The following APOA5 variants were observed in gnomAD, a reference collection of about 807,000 sequenced individuals.
APOA5 encodes apolipoprotein A5.
In APOA5, 26 loss-of-function variants were observed where a neutral mutation model predicts 31.8. The observed-to-expected ratio is 0.82, with a 90% confidence interval of 0.60 to 1.13. APOA5 has a LOEUF of 1.13. APOA5 is among the 50% of genes most tolerant of loss of function. The pLI is 0.00. For missense variants in APOA5, 450 were observed against 488.0 expected, an observed-to-expected ratio of 0.92 and a Z score of 0.73; for synonymous variants, 186 against 198.5, an observed-to-expected ratio of 0.94 and a Z score of 0.53.
At position 116,790,674 on chromosome 11, in the gene APOA5, G is replaced by A; in HGVS notation, c.555C>T (p.Gly185=). Residue 185 remains glycine, a synonymous_variant, in exon 3 of 3, where the codon GGC becomes GGT. Transcript: ENST00000227665. ...ATGGGTGGAAGAGCTCTTTGAAGCG[G>A]CCGGTGTGGTGCACCACGCGGCTCT... ...GLQSRVVHHT[G]RFKELFHPYA... is the part of the protein sequence containing the mutation. The A allele has an allele frequency of 1.2e-6, 2 of 1,612,526 alleles. No individual in the cohort carries two copies. The highest frequency in any genetic ancestry group is 1.1e-5 in the South Asian group (1 of 91,072).
chr11:116,789,905 A>T lies in APOA5; in HGVS notation c.*223T>A, dbSNP rs1250613914. The T allele has an allele frequency of 3.3e-6, 2 of 605,864 alleles. No individual in the cohort carries two copies. The highest frequency in any genetic ancestry group is 2.8e-5 in the East Asian group (1 of 35,904). The allele number at this position is 605,864 out of a possible 1,614,324, so 37.5% of individuals were successfully genotyped here. On this transcript the variant is annotated 3_prime_UTR_variant, in exon 3 of 3. Transcript: ENST00000227665. ...TGAGCATTCCCAAATGAGCACTGGG[A>T]GGCTGGGTTTGCAAAGCCTGGTGAA...
At chr11:116,791,786 C>T (rs1476929078) in intron 1 of APOA5, 26 bp downstream of exon 1, 1 of 1,614,096 alleles carries the variant, frequency 6.2e-7, no homozygotes, top group Non-Finnish European at 8.5e-7. Context: ...CACACCCCCA[C>T]GTTGAAGTCA....
Position 116,790,364 on chromosome 11 carries a change from G to A in APOA5, c.865C>T (p.Arg289Cys), listed in dbSNP as rs755003082. The stretch of plus-strand genomic sequence containing the variant: ...GCTATCTGCAGGTAGGTGTCCTGGC[G>A]GAAAGCCTGAAGTCGCTGGCGCACC... The part of the protein sequence containing the change: ...EEVRQRLQAF[R>C]QDTYLQIAAF... Residue 289 changes from arginine (R) to cysteine (C), a missense_variant, in exon 3 of 3, where the codon CGC becomes TGC. Physicochemically the swap from Arg to Cys is radical, Grantham distance 180. Transcript: ENST00000227665. 8.7e-6 allele frequency: 14 copies of A among 1,613,466 alleles called. No individual in the cohort carries two copies. The highest frequency in any genetic ancestry group is 3.3e-5 in the Admixed American group (2 of 60,010).
rs1356190082 is a variant in APOA5 at position 116,789,980 on chromosome 11, C to T, written c.*148G>A. On this transcript the variant is annotated 3_prime_UTR_variant, in exon 3 of 3. Transcript: ENST00000227665. ...CGCAGGAGGCTGGATGTGCAGGAGA[C>T]AGCAGCCCCTTTGGTGGCCTCCCTG... is the stretch of plus-strand genomic sequence containing the variant. The T allele has an allele frequency of 4.9e-6, 4 of 809,000 alleles. No homozygotes were observed. The highest frequency in any genetic ancestry group is 8.2e-6 in the Non-Finnish European group (4 of 490,378). 50.1% of individuals were successfully genotyped at this position (809,000 alleles called of 1,614,324 possible).
chr11:116,790,574 C>CG lies in APOA5; in HGVS notation c.654dup (p.Ala219ArgfsTer49), dbSNP rs71469115. On this transcript the variant is annotated frameshift_variant, in exon 3 of 3. Transcript: ENST00000227665. LOFTEE classifies it high-confidence loss of function. The stretch of plus-strand genomic sequence containing the variant: ...CAGCGACTGAGGCGCGCGGGGCTGG[C>CG]GGGGGCGTGCGGAGCCACACTGCGG... 1 of 1,596,660 alleles carries CG rather than the reference C, an allele frequency of 6.3e-7. No individual in the cohort carries two copies. Among genetic ancestry groups the CG allele is most frequent in the Non-Finnish European group, 8.5e-7 (1 of 1,176,362 alleles).
At position 116,790,075 on chromosome 11, in the gene APOA5, G is replaced by A; in HGVS notation, c.*53C>T. On this transcript the variant is annotated 3_prime_UTR_variant, in exon 3 of 3. Coordinates refer to ENST00000227665, the MANE Select transcript of APOA5 (RefSeq NM_001371904.1). The stretch of plus-strand genomic sequence containing the variant: ...AGGACTGAACCATGCTAGAGGCTCA[G>A]AGCCAAGGCTCCCCAGACAAGGAGC... The A allele has an allele frequency of 6.3e-7, 1 of 1,582,104 alleles. No individual in the cohort carries two copies. Among genetic ancestry groups the A allele is most frequent in the Admixed American group, 1.8e-5 (1 of 56,844 alleles).
chr11:116,789,450 G>C lies in APOA5; in HGVS notation c.*678C>G, dbSNP rs1940951565. 6.5e-6 allele frequency: 1 copy of C among 154,704 alleles called. No homozygotes were observed. The allele number at this position is 154,704 out of a possible 1,614,324, so 9.6% of individuals were successfully genotyped here. A position where few individuals can be genotyped will look rare whatever the true frequency, so the allele number is the denominator to read the frequency against. Reference sequence around the variant, plus strand: ...CAGAGGGAGGGGCTGGAGATGGGGAGAGCACACAGTATGCTCCCCAGAGGG... The same window carrying C: ...CAGAGGGAGGGGCTGGAGATGGGGACAGCACACAGTATGCTCCCCAGAGGG... On this transcript the variant is annotated 3_prime_UTR_variant, in exon 3 of 3. Coordinates refer to ENST00000227665, the MANE Select transcript of APOA5 (RefSeq NM_001371904.1).
chr11:116,790,249 T>C lies in APOA5; in HGVS notation c.980A>G (p.Glu327Gly). ...PPPGHSAFAP[E>G]FQQTDSGKVL... ...CTTGCCACTGTCTGTTTGTTGAAAC[T>C]CTGGGGCGAAGGCACTGTGGCCTGG... Residue 327 changes from glutamate (E) to glycine (G), a missense_variant, in exon 3 of 3, where the codon GAG (glutamate) becomes GGG (glycine). Physicochemically the swap from Glu to Gly is moderately conservative, Grantham distance 98 (BLOSUM62 -2). Coordinates refer to ENST00000227665, the MANE Select transcript of APOA5 (RefSeq NM_001371904.1). The C allele has an allele frequency of 6.2e-7, 1 of 1,614,228 alleles. No individual in the cohort carries two copies. Among genetic ancestry groups the C allele is most frequent in the Non-Finnish European group, 8.5e-7 (1 of 1,180,032 alleles).
In APOA5 at chr11:116,790,316, G is replaced by A. The variant is rs1403296082; in HGVS notation, c.913C>T (p.Gln305Ter). 5 of 1,614,126 alleles carry A rather than the reference G, an allele frequency of 3.1e-6. No homozygotes were observed. Among genetic ancestry groups the A allele is most frequent in the Non-Finnish European group, 4.2e-6 (5 of 1,180,056 alleles). ...TGCTGCTGGACCTCCTCAGTCTCCTGGTCGATGGCGCGAGTGAAGGCAGCT... is the reference window on the plus strand; with the variant it reads ...TGCTGCTGGACCTCCTCAGTCTCCTAGTCGATGGCGCGAGTGAAGGCAGCT... The part of the protein sequence containing the change: ...QIAAFTRAID[Q>*]ETEEVQQQLA... The change falls in exon 3 of 3, where the codon CAG becomes TAG. Residue 305 changes from glutamine to a stop codon, truncating the protein, a stop_gained. Transcript: ENST00000227665. LOFTEE classifies it high-confidence loss of function.
In APOA5 at chr11:116,789,981, A is replaced by C; in HGVS notation, c.*147T>G. 1.2e-6 allele frequency: 1 copy of C among 812,732 alleles called. No homozygotes were observed. The highest frequency in any genetic ancestry group is 2.0e-6 in the Non-Finnish European group (1 of 492,932). The allele number at this position is 812,732 out of a possible 1,614,324, so 50.3% of individuals were successfully genotyped here. ...GCAGGAGGCTGGATGTGCAGGAGAC[A>C]GCAGCCCCTTTGGTGGCCTCCCTGT... On this transcript the variant is annotated 3_prime_UTR_variant, in exon 3 of 3. Coordinates refer to ENST00000227665, the MANE Select transcript of APOA5 (RefSeq NM_001371904.1).
At chr11:116,791,496 C>A in intron 2 of APOA5, 90 bp downstream of exon 2, 1 of 1,300,806 alleles carries the variant, frequency 7.7e-7, no homozygotes. Context: ...CCAGCAGCGG[C>A]CACAGAGGTT....
chr11:116,791,741 C>G (rs779181676), intron 1 of APOA5, 44 bp from the exon 2 acceptor site: 3 of 1,612,564 alleles, frequency 1.9e-6, no homozygotes, highest in Non-Finnish European at 2.5e-6. Context: ...CTCTCCTCCC[C>G]CAGGGTGGAC....
chr11:116,791,697 G>A lies in APOA5; in HGVS notation c.50C>T (p.Ala17Val), dbSNP rs1203730577. The A allele has an allele frequency of 6.2e-7, 1 of 1,608,622 alleles. No homozygotes were observed. The highest frequency in any genetic ancestry group is 8.5e-7 in the Non-Finnish European group (1 of 1,177,438). Residue 17 changes from alanine to valine, a missense_variant and splice_region_variant, in exon 2 of 3, where the codon GCG becomes GTG. Ala to Val is a moderately conservative substitution (Grantham distance 64). Transcript: ENST00000227665. ...VLTWALALLS[A>V]FSATQARKGF... ...TTTCCGTGCCTGGGTGGCCGAAAAC[G>A]CTGTGGAGAGGGACTAGGTAATCAG...
In APOA5 at chr11:116,790,363, C is replaced by T. The variant is rs752093878; in HGVS notation, c.866G>A (p.Arg289His). The change falls in exon 3 of 3, where the codon CGC becomes CAC. Residue 289 changes from arginine (R) to histidine (H), a missense_variant. Arg to His is a conservative substitution (Grantham distance 29). Coordinates refer to ENST00000227665, the MANE Select transcript of APOA5 (RefSeq NM_001371904.1). Reference protein sequence around the residue: ...EEVRQRLQAFRQDTYLQIAAF... With the variant: ...EEVRQRLQAFHQDTYLQIAAF... Reference sequence around the variant, plus strand: ...AGCTATCTGCAGGTAGGTGTCCTGGCGGAAAGCCTGAAGTCGCTGGCGCAC... The same window carrying T: ...AGCTATCTGCAGGTAGGTGTCCTGGTGGAAAGCCTGAAGTCGCTGGCGCAC... 9 of 1,613,604 alleles carry T rather than the reference C, an allele frequency of 5.6e-6. No individual in the cohort carries two copies. In the South Asian group the frequency reaches 7.7e-5, roughly 14 times the overall value.
At chr11:116,791,195 G>C in intron 2 of APOA5, 128 bp from the exon 3 acceptor site, 1 of 842,318 alleles carries the variant, frequency 1.2e-6, no homozygotes, top group Non-Finnish European at 1.9e-6. Context: ...AGGGTCGAGG[G>C]CTCTTGTCCT....
chr11:116,789,612 T>TCA lies in APOA5; in HGVS notation c.*514_*515dup, dbSNP rs1178295366. On this transcript the variant is annotated 3_prime_UTR_variant, in exon 3 of 3. Coordinates refer to ENST00000227665, the MANE Select transcript of APOA5 (RefSeq NM_001371904.1). ...CCAGCATCAGAGCCAGCAGGGATATTCACACACCATCACATGTTCTCCCCA... is the reference window on the plus strand; with the variant it reads ...CCAGCATCAGAGCCAGCAGGGATATTCACACACACCATCACATGTTCTCCCCA... 2 of 225,628 alleles carry TCA rather than the reference T, an allele frequency of 8.9e-6. No homozygotes were observed. Among genetic ancestry groups the TCA allele is most frequent in the African/African-American group, 4.5e-5 (2 of 44,404 alleles). 14.0% of individuals were successfully genotyped at this position (225,628 alleles called of 1,614,324 possible). A position where few individuals can be genotyped will look rare whatever the true frequency, so the allele number is the denominator to read the frequency against.
Position 116,790,619 on chromosome 11 carries a change from G to A in APOA5, c.610C>T (p.Arg204Cys), listed in dbSNP as rs546060544. 1.9e-5 allele frequency: 30 copies of A among 1,608,926 alleles called. No homozygotes were observed. Among genetic ancestry groups the A allele is most frequent in the Non-Finnish European group, 2.4e-5 (28 of 1,179,726 alleles). ...YAESLVSGIGRHVQELHRSVA... is the reference protein window; with the variant it reads ...YAESLVSGIGCHVQELHRSVA... ...CTGCGGTGCAGCTCCTGCACGTGGC[G>A]CCCGATGCCGCTCACCAGGCTCTCG... The change falls in exon 3 of 3, where the codon CGC becomes TGC. Residue 204 changes from arginine to cysteine, a missense_variant. Arg to Cys is a radical substitution (Grantham distance 180, BLOSUM62 -3). Coordinates refer to ENST00000227665, the MANE Select transcript of APOA5 (RefSeq NM_001371904.1).
In APOA5 at chr11:116,789,745, A is replaced by G. The variant is rs1187119639; in HGVS notation, c.*383T>C. On this transcript the variant is annotated 3_prime_UTR_variant, in exon 3 of 3. Coordinates refer to ENST00000227665, the MANE Select transcript of APOA5 (RefSeq NM_001371904.1). ...CTGTAGCAGTGGCCACCAGGCAGCC[A>G]GAAGTGACTAGAGCCAAACTCCAGG... The G allele has an allele frequency of 2.9e-6, 1 of 342,520 alleles. No individual in the cohort carries two copies. The highest frequency in any genetic ancestry group is 5.7e-6 in the Non-Finnish European group (1 of 176,796). The allele number at this position is 342,520 out of a possible 1,614,324, so 21.2% of individuals were successfully genotyped here. A position where few individuals can be genotyped will look rare whatever the true frequency, so the allele number is the denominator to read the frequency against.
At chr11:116,791,308 CT>C in intron 2 of APOA5, 1 of 697,102 alleles carries the variant, frequency 1.4e-6, no homozygotes, top group Non-Finnish European at 2.6e-6. Flanking sequence ...CCACATCATC[CT>C]TTGATTCTGG....
Sources: allele counts gnomAD v4.1 joint callset, GRCh38; gene constraint gnomAD v4.1.1; transcripts MANE v1.5; gene names NCBI Gene and HGNC (gene_info 2026-07-23, HGNC 2026-07-21).